The following NCOR1 variants were observed in gnomAD, a reference collection of about 807,000 sequenced individuals.
NCOR1 encodes the protein protein phosphatase 1, regulatory subunit 109.
Under a neutral mutation model 288.1 loss-of-function variants are expected in NCOR1, and 63 were observed. That is an observed-to-expected ratio of 0.22 (90% CI 0.18 to 0.27). NCOR1 has a LOEUF of 0.27. NCOR1 is among the 10% of genes least tolerant of loss of function. The pLI, the probability that NCOR1 is intolerant of heterozygous loss-of-function variation, is 1.00. For synonymous variants in NCOR1, 1,007 were observed against 1,065.9 expected (o/e 0.94, Z 1.08); for missense variants, 2,397 against 3,019.2 (o/e 0.79, Z 4.83).
chr17:16,143,482 G>T, intron 11 of NCOR1, 124 bp downstream of exon 11: 2 of 667,138 alleles, frequency 3.0e-6, no homozygotes, highest in Non-Finnish European at 5.1e-6. Context: ...TCAAATCTTT[G>T]ACAGTCTAAA....
In NCOR1 at chr17:16,070,672, C is replaced by A. The variant is rs756163741; in HGVS notation, c.4153-147G>T. 7.7e-6 allele frequency: 8 copies of A among 1,034,202 alleles called. No homozygotes were observed. The African/African-American group carries it at 9.7e-5, about 12-fold the overall frequency. The allele number at this position is 1,034,202 out of a possible 1,614,324, so 64.1% of individuals were successfully genotyped here. A position where few individuals can be genotyped will look rare whatever the true frequency, so the allele number is the denominator to read the frequency against. On this transcript the variant is annotated intron_variant, in intron 30 of 45. Transcript: ENST00000268712. ...AAATCTCAATCACAACCCCACTGAT[C>A]CCAAGCTGCATACTTTCCCACATTC...
intron 43 of NCOR1, 71 bp downstream of exon 43, chr17:16,040,370 A>T: frequency 8.1e-7 from 1 of 1,239,748 alleles, no homozygotes. Flanking sequence ...GTTGGTACTC[A>T]GTACATATTT....
At chr17:16,113,680 G>T (rs1391933557) in intron 18 of NCOR1, among the ~76,000 whole-genome samples, 1 of 152,058 alleles carries the variant, frequency 6.6e-6, no homozygotes, top group African/African-American at 2.4e-5. Context: ...ATCACTTGAG[G>T]CCAGGAGCTG....
At chr17:16,181,757 A>G (rs1228994163) in intron 3 of NCOR1, among the ~76,000 whole-genome samples, 1 of 152,206 alleles carries the variant, frequency 6.6e-6, no homozygotes, top group Non-Finnish European at 1.5e-5. Flanking sequence ...GGCTCTACAA[A>G]AACAGGACAG....
At chr17:16,049,159 AAAC>A (rs2059013492) in intron 40 of NCOR1, 171 bp from the exon 41 acceptor site, 3 of 506,146 alleles carry the variant, frequency 5.9e-6, no homozygotes, top group Middle Eastern at 4.8e-4. Context: ...TAAAACAAAC[AAAC>A]AACAACAAAA....
chr17:16,116,664 G>A (rs9909697), intron 18 of NCOR1, among the ~76,000 whole-genome samples: 63,535 of 152,024 alleles, frequency 0.42, 15,127 homozygotes, highest in Middle Eastern at 0.55. Flanking sequence ...CTTAGAACTC[G>A]AACAATTGCC....
intron 18 of NCOR1, 79 bp downstream of exon 18, chr17:16,117,809 G>T: frequency 6.9e-7 from 1 of 1,446,790 alleles, no homozygotes; most frequent in African/African-American, 1.4e-5. Flanking sequence ...GTGATAGAGT[G>T]AGACTCCATC....
chr17:16,065,535 C>T lies in NCOR1; in HGVS notation c.4901G>A (p.Gly1634Glu). Residue 1634 changes from glycine (G) to glutamate (E), a missense_variant, in exon 33 of 46, where the codon GGA becomes GAA. Gly to Glu is a moderately conservative substitution (Grantham distance 98). Transcript: ENST00000268712. The stretch of plus-strand genomic sequence containing the variant: ...CAGTGGCTGCTCTCTTGGGGAGAGT[C>T]CTCTGGCCACATCTGGACGCAAGTT... ...QVNLRPDVAR[G>E]LSPREQPLGL... 3.7e-6 allele frequency: 6 copies of T among 1,614,168 alleles called. No individual in the cohort carries two copies. Among genetic ancestry groups the T allele is most frequent in the Non-Finnish European group, 5.1e-6 (6 of 1,180,040 alleles).
chr17:16,085,224 A>G lies in NCOR1; in HGVS notation c.3177+1058T>C, dbSNP rs376379997. On this transcript the variant is annotated intron_variant, in intron 23 of 45. Coordinates refer to ENST00000268712, the MANE Select transcript of NCOR1 (RefSeq NM_006311.4). ...AAATGTAAAATACAACCACAATAAG[A>G]TATTACTACACACCAAGTATGACTA... Among the ~76,000 whole-genome samples, 41 of 152,346 alleles carry G rather than the reference A, an allele frequency of 2.7e-4. No individual in the cohort carries two copies. In the East Asian group the frequency reaches 4.1e-3, roughly 15 times the overall value.
At chr17:16,195,000 C>T (rs372048890) in intron 1 of NCOR1, among the ~76,000 whole-genome samples, 2 of 151,860 alleles carry the variant, frequency 1.3e-5, no homozygotes, top group Non-Finnish European at 2.9e-5. Context: ...AAGTCAATTG[C>T]GAAAAGAATT....
intron 1 of NCOR1, among the ~76,000 whole-genome samples, chr17:16,213,595 G>A (rs1266773151): frequency 6.6e-6 from 1 of 151,582 alleles, no homozygotes; most frequent in South Asian, 2.1e-4. Context: ...TAAATGCCGC[G>A]AGAGATGTGC....
intron 18 of NCOR1, among the ~76,000 whole-genome samples, chr17:16,112,355 C>T (rs549470253): frequency 1.2e-4 from 19 of 152,156 alleles, no homozygotes; most frequent in Non-Finnish European, 2.6e-4. Context: ...TGTATACACA[C>T]TTTTAAATCA....
chr17:16,101,453 T>C lies in NCOR1; in HGVS notation c.2487A>G (p.Pro829=). ...CTTCAACTTTAGATGCATGGTTTTC[T>C]GGCACCCTCACTTCAACGTCCACAG... is the stretch of plus-strand genomic sequence containing the variant. ...ADSVDVEVRV[P]ENHASKVEGD... The change falls in exon 20 of 46, where the codon CCA becomes CCG. Residue 829 remains proline (P), a synonymous_variant. Transcript: ENST00000268712. The C allele has an allele frequency of 6.2e-7, 1 of 1,614,198 alleles. No individual in the cohort carries two copies. The highest frequency in any genetic ancestry group is 1.6e-4 in the Middle Eastern group (1 of 6,062).
intron 27 of NCOR1, 114 bp downstream of exon 27, chr17:16,075,420 A>G (rs2062319329): frequency 8.5e-7 from 1 of 1,174,510 alleles, no homozygotes; most frequent in Non-Finnish European, 1.2e-6. Context: ...GAGAGAAAAC[A>G]TAGGCTCAGC....
At chr17:16,118,960 TGA>T (rs1013621997) in intron 17 of NCOR1, among the ~76,000 whole-genome samples, 1 of 152,234 alleles carries the variant, frequency 6.6e-6, no homozygotes, top group African/African-American at 2.4e-5. Flanking sequence ...CTCTTTCCTC[TGA>T]ATCACAGAGC....
At chr17:16,206,865 AACTC>A (rs2091571644) in intron 1 of NCOR1, among the ~76,000 whole-genome samples, 1 of 152,118 alleles carries the variant, frequency 6.6e-6, no homozygotes. Context: ...ATATGCAACA[AACTC>A]AGTAGATTAC....
intron 9 of NCOR1, 132 bp from the exon 10 acceptor site, chr17:16,146,680 C>T: frequency 5.3e-6 from 4 of 748,834 alleles, no homozygotes; most frequent in South Asian, 2.7e-5. Context: ...CAACTGTGAA[C>T]GAAAAGCACA....
At chr17:16,113,231 A>C (rs1481780421) in intron 18 of NCOR1, among the ~76,000 whole-genome samples, 1 of 151,726 alleles carries the variant, frequency 6.6e-6, no homozygotes, top group Non-Finnish European at 1.5e-5. Flanking sequence ...TTATTTTTTT[A>C]ATGAAAAGTA....
intron 5 of NCOR1, 137 bp downstream of exon 5, chr17:16,164,842 T>C (rs1198587712): frequency 1.8e-6 from 1 of 566,514 alleles, no homozygotes; most frequent in East Asian, 3.2e-5. Context: ...ACCACAACAG[T>C]AGCAAAAAAA....
Sources: allele counts gnomAD v4.1 joint callset (sites outside exome capture counted in the v4.1 genomes callset), GRCh38; gene constraint gnomAD v4.1.1; transcripts MANE v1.5; gene names NCBI Gene and HGNC (gene_info 2026-07-23, HGNC 2026-07-21).